Variants in PWP1 observed in about 807,000 individuals in gnomAD.
PWP1 encodes periodic tryptophan protein 1 homolog.
A neutral mutation model predicts 69.9 loss-of-function variants in PWP1; 47 were observed. The ratio of observed to expected loss-of-function variants is 0.67; its 90% CI spans 0.53 to 0.86. The LOEUF is 0.86. PWP1 is among the 40% of genes least tolerant of loss of function. The pLI is 0.00. For synonymous variants in PWP1, 222 were observed against 208.2 expected (o/e 1.07, Z -0.57); for missense variants, 551 against 608.8 (o/e 0.91, Z 1.00).
intron 7 of PWP1, among the ~76,000 whole-genome samples, chr12:107,698,578 TTTTC>T (rs1279721563): frequency 3.3e-5 from 5 of 152,178 alleles, no homozygotes; most frequent in Admixed American, 1.3e-4. Context: ...AATGAAATTT[TTTTC>T]TTTATTTTTC....
intron 6 of PWP1, among the ~76,000 whole-genome samples, chr12:107,697,204 A>G (rs1254002777): frequency 6.6e-6 from 1 of 152,152 alleles, no homozygotes; most frequent in Non-Finnish European, 1.5e-5. Context: ...GGGCCAAGAG[A>G]TTGAGCCTTT....
rs781659412 is a variant in PWP1, at chr12:107,688,694, C to A, written c.211C>A (p.Arg71Ser). Residue 71 changes from arginine to serine, a missense_variant, in exon 3 of 15, where the codon CGC becomes AGC. By Grantham distance (110) the Arg-to-Ser change is moderately radical (BLOSUM62 -1). Transcript: ENST00000412830. ...CATGCAGAGTGCACGCACCCAGGCA[C>A]GCCCAAGAGAGCCCCTGGAGGATGG... ...DGMQSARTQA[R>S]PREPLEDGDP... 1 of 1,614,168 alleles carries A rather than the reference C, an allele frequency of 6.2e-7. No homozygotes were observed. Among genetic ancestry groups the A allele is most frequent in the African/African-American group, 1.3e-5 (1 of 75,040 alleles).
chr12:107,697,365 G>A, intron 6 of PWP1, 102 bp from the exon 7 acceptor site: 2 of 1,217,842 alleles, frequency 1.6e-6, no homozygotes, highest in Non-Finnish European at 2.2e-6. Flanking sequence ...GAGAAGCACT[G>A]CTCTAAAGCA....
rs1889746457 is a variant in PWP1 at position 107,703,130 on chromosome 12, T to A, written c.903+99T>A. 3 of 885,930 alleles carry A rather than the reference T, an allele frequency of 3.4e-6. No homozygotes were observed. The Admixed American group carries it at 6.5e-5, about 19-fold the overall frequency. 54.9% of individuals were successfully genotyped at this position (885,930 alleles called of 1,614,324 possible). ...TTTATATATGGCTTTGAAAATAATT[T>A]TATCTGGCTTGCGGCATGCTTTCAC... is the stretch of plus-strand genomic sequence containing the variant. On this transcript the variant is annotated intron_variant, in intron 9 of 14. Coordinates refer to ENST00000412830, the MANE Select transcript of PWP1 (RefSeq NM_007062.3).
rs1566077523 is a variant in PWP1 at position 107,692,796 on chromosome 12, T to G, written c.320-18T>G. On this transcript the variant is annotated intron_variant, in intron 3 of 14. Coordinates refer to ENST00000412830, the MANE Select transcript of PWP1 (RefSeq NM_007062.3). Reference sequence around the variant, plus strand: ...AGATGACTATTTTATTATTGTAGTTTGTCAATTTTTCTTACAGATGCTGAG... The same window carrying G: ...AGATGACTATTTTATTATTGTAGTTGGTCAATTTTTCTTACAGATGCTGAG... 6.3e-7 allele frequency: 1 copy of G among 1,583,012 alleles called. No individual in the cohort carries two copies. The highest frequency in any genetic ancestry group is 2.2e-5 in the East Asian group (1 of 44,726).
intron 8 of PWP1, among the ~76,000 whole-genome samples, chr12:107,700,435 GACTT>G (rs1407360492): frequency 3.3e-5 from 5 of 152,066 alleles, no homozygotes; most frequent in East Asian, 3.9e-4. Context: ...GAATCATACA[GACTT>G]ACTTCTTTGC....
intron 5 of PWP1, among the ~76,000 whole-genome samples, chr12:107,693,800 A>G (rs935350477): frequency 6.6e-6 from 1 of 152,126 alleles, no homozygotes; most frequent in African/African-American, 2.4e-5. Flanking sequence ...TTTTTTACTC[A>G]ATTTTTTTTT....
chr12:107,691,339 T>A (rs1889476307), intron 3 of PWP1, among the ~76,000 whole-genome samples: 1 of 152,162 alleles, frequency 6.6e-6, no homozygotes, highest in South Asian at 2.1e-4. Flanking sequence ...CTTAATTGGG[T>A]CCCAGTAAAC....
intron 3 of PWP1, among the ~76,000 whole-genome samples, chr12:107,690,389 A>T (rs1463397469): frequency 3.3e-5 from 5 of 152,210 alleles, no homozygotes; most frequent in Non-Finnish European, 4.4e-5. Flanking sequence ...AAAAAAGTTT[A>T]AAAAAGTTAT....
At chr12:107,704,384 C>T (rs972371825) in intron 10 of PWP1, among the ~76,000 whole-genome samples, 2 of 152,264 alleles carry the variant, frequency 1.3e-5, no homozygotes, top group Admixed American at 6.5e-5. Context: ...ATTCTTCTTG[C>T]GAGTGGAAGA....
chr12:107,703,119 T>A, intron 9 of PWP1, 88 bp downstream of exon 9: 1 of 953,788 alleles, frequency 1.0e-6, no homozygotes, highest in Non-Finnish European at 1.7e-6. Context: ...TATATGGCTT[T>A]GAAAATAATT....
intron 6 of PWP1, among the ~76,000 whole-genome samples, chr12:107,697,164 G>A (rs959439922): frequency 2.6e-5 from 4 of 152,060 alleles, no homozygotes; most frequent in African/African-American, 9.7e-5. Flanking sequence ...CGGGAGGAGG[G>A]TTATTCTCGT....
chr12:107,692,434 T>G (rs527476061), intron 3 of PWP1, among the ~76,000 whole-genome samples: 3 of 152,240 alleles, frequency 2.0e-5, no homozygotes, highest in Non-Finnish European at 4.4e-5. Flanking sequence ...TTATGTTGAT[T>G]TCAGTGTTTC....
intron 5 of PWP1, among the ~76,000 whole-genome samples, chr12:107,694,408 C>T (rs940271207): frequency 1.3e-5 from 2 of 152,204 alleles, no homozygotes; most frequent in African/African-American, 2.4e-5. Context: ...TAATGTTTAT[C>T]GCCATCTTCT....
At chr12:107,706,898 T>C (rs983896753) in intron 11 of PWP1, among the ~76,000 whole-genome samples, 14 of 152,116 alleles carry the variant, frequency 9.2e-5, no homozygotes, top group African/African-American at 2.7e-4. Context: ...TTTTTGGTTC[T>C]ATATGAACTT....
intron 5 of PWP1, among the ~76,000 whole-genome samples, chr12:107,695,309 GA>G (rs1448780040): frequency 6.6e-6 from 1 of 151,998 alleles, no homozygotes; most frequent in Non-Finnish European, 1.5e-5. Context: ...AATGTAAGCT[GA>G]GTATATCGAA....
intron 1 of PWP1, 95 bp from the exon 2 acceptor site, chr12:107,688,353 G>A (rs994767837): frequency 4.7e-6 from 5 of 1,067,602 alleles, no homozygotes; most frequent in Admixed American, 5.6e-5. Flanking sequence ...ATTGCTTGGC[G>A]TTACATTTTA....
At chr12:107,708,454 A>G (rs1310452314) in intron 11 of PWP1, among the ~76,000 whole-genome samples, 1 of 152,108 alleles carries the variant, frequency 6.6e-6, no homozygotes, top group Non-Finnish European at 1.5e-5. Context: ...CAGTGTAACA[A>G]TGCACTCTAA....
intron 8 of PWP1, among the ~76,000 whole-genome samples, chr12:107,702,723 A>G (rs1468573130): frequency 6.6e-6 from 1 of 152,244 alleles, no homozygotes; most frequent in Admixed American, 6.5e-5. Context: ...CTTCTAATAC[A>G]TGAACATGGG....
Sources: gnomAD v4.1 joint callset for allele counts (sites outside exome capture counted in the v4.1 genomes callset) on GRCh38, gnomAD v4.1.1 for gene constraint, MANE v1.5 for transcripts, NCBI Gene and HGNC (gene_info 2026-07-23, HGNC 2026-07-21) for gene names.